Variants in SLC29A4 observed in about 807,000 individuals in gnomAD.
SLC29A4 encodes equilibrative nucleoside transporter 4.
SLC29A4 carries 36 observed loss-of-function variants against 43.9 expected under a neutral mutation model. The observed-to-expected ratio is 0.82, with a 90% CI of 0.63 to 1.08. The LOEUF (loss-of-function observed/expected upper bound fraction) is 1.08, where lower values mean the gene tolerates loss of function less well. SLC29A4 is among the 50% of genes least tolerant of loss of function. The pLI is 0.00. For synonymous variants in SLC29A4, 491 were observed against 338.0 expected, an observed-to-expected ratio of 1.45 and a Z score of -4.97; for missense variants, 869 against 755.3, an observed-to-expected ratio of 1.15 and a Z score of -1.77.
Position 5,302,928 on chromosome 7 carries a change from G to A in SLC29A4, c.1582G>A (p.Ala528Thr), listed in dbSNP as rs367997058. The A allele has an allele frequency of 3.7e-5, 59 of 1,606,554 alleles. No individual in the cohort carries two copies. In the African/African-American group the frequency reaches 4.7e-4, roughly 13 times the overall value. Residue 528 changes from alanine to threonine, a missense_variant, in exon 11 of 11, where the codon GCA becomes ACA. By Grantham distance (58) the Ala-to-Thr change is moderately conservative. Transcript: ENST00000396872. ...HASTANGSILAGL is the reference protein window; with the variant it reads ...HASTANGSILTGL The stretch of plus-strand genomic sequence containing the variant: ...CTCCACCGCCAATGGTTCCATCCTC[G>A]CAGGCCTCTGAGCCAGCCCCGCCCA...
chr7:5,303,353 G>T lies in SLC29A4; in HGVS notation c.*414G>T, dbSNP rs1583688718. The T allele has an allele frequency of 4.3e-6, 1 of 230,614 alleles. No individual in the cohort carries two copies. The highest frequency in any genetic ancestry group is 1.5e-4 in the East Asian group (1 of 6,754). The allele number at this position is 230,614 out of a possible 1,614,324, so 14.3% of individuals were successfully genotyped here. A position where few individuals can be genotyped will look rare whatever the true frequency, so the allele number is the denominator to read the frequency against. On this transcript the variant is annotated 3_prime_UTR_variant, in exon 11 of 11. Transcript: ENST00000396872. ...TCATCACCCACCGGCACTGATCGGG[G>T]CACCGCCTGGCCCAGCCTCCACCAG...
intron 5 of SLC29A4, among the ~76,000 whole-genome samples, chr7:5,292,451 A>G (rs10951884): frequency 0.11 from 17,452 of 152,058 alleles, 1,241 homozygotes; most frequent in Admixed American, 0.2. Context: ...TTATTTTGCA[A>G]AAATTTCAAA....
rs770275152 is a variant in SLC29A4, at chr7:5,302,891, C to T, written c.1545C>T (p.Ser515=). ...TYSLTRDAHG[S]CLHASTANGS... ...GCCTCACCCGCGACGCTCACGGCAGCTGCCTGCACGCCTCCACCGCCAATG... is the reference window on the plus strand; with the variant it reads ...GCCTCACCCGCGACGCTCACGGCAGTTGCCTGCACGCCTCCACCGCCAATG... Residue 515 remains serine (S), a synonymous_variant, in exon 11 of 11, where the codon AGC becomes AGT. Coordinates refer to ENST00000396872, the MANE Select transcript of SLC29A4 (RefSeq NM_153247.4). The T allele has an allele frequency of 5.0e-6, 8 of 1,605,816 alleles. No homozygotes were observed. In the African/African-American group the frequency reaches 9.4e-5, roughly 19 times the overall value.
rs1444688888 is a variant in SLC29A4, at chr7:5,306,899, C to G, written c.*3960C>G. On this transcript the variant is annotated 3_prime_UTR_variant, in exon 11 of 11. Transcript: ENST00000396872. ...ACATAAAAAAAAAAACCAATAATTC[C>G]CCCAAAAAACAAACCCAAAGTCTGG... 1 of 148,864 alleles carries G rather than the reference C, an allele frequency of 6.7e-6. No individual in the cohort carries two copies. The highest frequency in any genetic ancestry group is 1.5e-5 in the Non-Finnish European group (1 of 67,908). The allele number at this position is 148,864 out of a possible 1,614,324, so 9.2% of individuals were successfully genotyped here.
chr7:5,292,584 T>C (rs1785374275), intron 5 of SLC29A4, among the ~76,000 whole-genome samples: 1 of 151,802 alleles, frequency 6.6e-6, no homozygotes, highest in African/African-American at 2.4e-5. Flanking sequence ...ATAAAATACA[T>C]ATTTTCCCTT....
chr7:5,292,989 G>A (rs903820699), intron 5 of SLC29A4, among the ~76,000 whole-genome samples: 10 of 148,256 alleles, frequency 6.7e-5, no homozygotes, highest in African/African-American at 9.9e-5. Context: ...GTGAGCCACC[G>A]CACCCCGCCC....
intron 1 of SLC29A4, among the ~76,000 whole-genome samples, chr7:5,285,359 G>A (rs558565317): frequency 1.2e-4 from 18 of 146,042 alleles, no homozygotes; most frequent in African/African-American, 3.5e-4. Flanking sequence ...GGGGAGACAC[G>A]CTGGGCTTCT....
intron 1 of SLC29A4, 125 bp from the exon 2 acceptor site, chr7:5,287,684 T>C: frequency 1.0e-6 from 1 of 964,656 alleles, no homozygotes; most frequent in Non-Finnish European, 1.5e-6. Context: ...ATAGCTTGCT[T>C]TGGCCAACGA....
chr7:5,290,654 G>A (rs926967375), intron 2 of SLC29A4, 78 bp from the exon 3 acceptor site: 150 of 1,535,982 alleles, frequency 9.8e-5, no homozygotes, highest in Admixed American at 1.9e-4. Flanking sequence ...GGCGGCCGGG[G>A]TGGTGGACAT....
At chr7:5,292,690 CTT>C (rs1056329272) in intron 5 of SLC29A4, among the ~76,000 whole-genome samples, 157 of 67,364 alleles carry the variant, frequency 2.3e-3, no homozygotes, top group African/African-American at 8.4e-3. Context: ...CATTTTTTTC[CTT>C]TTTTTTTTTT....
intron 10 of SLC29A4, 111 bp from the exon 11 acceptor site, chr7:5,302,686 C>T (rs780860452): frequency 5.4e-6 from 6 of 1,118,342 alleles, no homozygotes; most frequent in Non-Finnish European, 7.6e-6. Context: ...GCAGCGGGTC[C>T]TGGAGGGGCG....
rs565151478 is a variant in SLC29A4, at chr7:5,298,933, G to A, written c.883-55G>A. On this transcript the variant is annotated intron_variant, in intron 7 of 10. Transcript: ENST00000396872. ...CTGATTGGGCCTGGATTCCTGGCCC[G>A]TGTCTCCTGTCCTCCCTTCCACTCC... is the stretch of plus-strand genomic sequence containing the variant. 37 of 1,570,016 alleles carry A rather than the reference G, an allele frequency of 2.4e-5. No individual in the cohort carries two copies. In the East Asian group the frequency reaches 6.1e-4, roughly 26 times the overall value.
At chr7:5,284,091 GGTGAGGGGCCTTGGCCAGAAGCA>G (rs1382473713) in intron 1 of SLC29A4, among the ~76,000 whole-genome samples, 1 of 144,714 alleles carries the variant, frequency 6.9e-6, no homozygotes, top group African/African-American at 2.6e-5. Flanking sequence ...CCTGCAAAGT[GGTGAGGGGCCTTGGCCAGAAGCA>G]GTGGCTCACT....
chr7:5,297,897 C>T (rs533226643), intron 7 of SLC29A4, among the ~76,000 whole-genome samples: 4 of 152,270 alleles, frequency 2.6e-5, no homozygotes, highest in East Asian at 3.9e-4. Flanking sequence ...ACAGACAGCC[C>T]CTGCCAGGAG....
In SLC29A4 at chr7:5,291,791, G is replaced by A. The variant is rs1327577092; in HGVS notation, c.514G>A (p.Ala172Thr). The change falls in exon 5 of 11, where the codon GCT becomes ACT. Residue 172 changes from alanine to threonine, a missense_variant. Transcript: ENST00000396872. ...RDQAYAINLA[A>T]VGTVAFGCTV... Reference sequence around the variant, plus strand: ...CCAGGCCTACGCCATCAACCTGGCCGCTGTGGGCACCGTGGCCTTCGGCTG... The same window carrying A: ...CCAGGCCTACGCCATCAACCTGGCCACTGTGGGCACCGTGGCCTTCGGCTG... 12 of 1,611,632 alleles carry A rather than the reference G, an allele frequency of 7.4e-6. No individual in the cohort carries two copies. Among genetic ancestry groups the A allele is most frequent in the Admixed American group, 3.3e-5 (2 of 59,968 alleles).
chr7:5,298,886 C>T (rs1343361849), intron 7 of SLC29A4, 102 bp from the exon 8 acceptor site: 42 of 1,326,478 alleles, frequency 3.2e-5, no homozygotes, highest in Admixed American at 1.1e-4. Flanking sequence ...TGAATGTCAG[C>T]GCCAGCCCCA....
rs1460658683 is a variant in SLC29A4 at position 5,290,758 on chromosome 7, C to T, written c.196C>T (p.Arg66Cys). 3.1e-6 allele frequency: 5 copies of T among 1,613,314 alleles called. No homozygotes were observed. The highest frequency in any genetic ancestry group is 3.3e-5 in the Admixed American group (2 of 59,988). Residue 66 changes from arginine to cysteine, a missense_variant, in exon 3 of 11, where the codon CGT becomes TGT. Arg to Cys is a radical substitution (Grantham distance 180). Transcript: ENST00000396872. ...TTLDEPVPDD[R>C]YHAIYFAMLL... is the part of the protein sequence containing the mutation. ...ATTGGACGAGCCAGTGCCCGATGAC[C>T]GTTATCACGCCATCTACTTTGCGAT... is the stretch of plus-strand genomic sequence containing the variant.
At chr7:5,300,205 T>C (rs1786040156) in intron 9 of SLC29A4, among the ~76,000 whole-genome samples, 1 of 152,100 alleles carries the variant, frequency 6.6e-6, no homozygotes, top group Admixed American at 6.5e-5. Flanking sequence ...GCACTCCAGC[T>C]TGGGGGATAG....
intron 1 of SLC29A4, among the ~76,000 whole-genome samples, chr7:5,285,470 A>G (rs1170751268): frequency 6.6e-6 from 1 of 152,182 alleles, no homozygotes; most frequent in Non-Finnish European, 1.5e-5. Flanking sequence ...AGCCCCCAAG[A>G]CCTGGAAATG....
Sources: allele counts gnomAD v4.1 joint callset (sites outside exome capture counted in the v4.1 genomes callset), GRCh38; gene constraint gnomAD v4.1.1; transcripts MANE v1.5; gene names NCBI Gene and HGNC (gene_info 2026-07-23, HGNC 2026-07-21).